Variants in TRMT5 observed in about 807,000 individuals in gnomAD.
TRMT5 encodes tRNA (guanine(37)-N(1))-methyltransferase.
TRMT5 carries 31 observed loss-of-function variants against 42.2 expected under a neutral mutation model. That is an observed-to-expected ratio of 0.73 (90% CI 0.55 to 0.99). The LOEUF is 0.99. Ranked by LOEUF, TRMT5 falls within the 50% of genes least tolerant of loss-of-function variation. TRMT5 has a pLI of 0.00. For missense variants in TRMT5, 568 were observed against 595.0 expected (o/e 0.95, Z 0.47); for synonymous variants, 198 against 209.6 (o/e 0.94, Z 0.48).
At chr14:60,977,109 C>T (rs2036857932) in intron 3 of TRMT5, among the ~76,000 whole-genome samples, 1 of 152,018 alleles carries the variant, frequency 6.6e-6, no homozygotes, top group African/African-American at 2.4e-5. Context: ...GGAAATGTTT[C>T]TGCAAATTTC....
chr14:60,980,789 G>GA lies in TRMT5; in HGVS notation c.11+173dup, dbSNP rs1174050580. On this transcript the variant is annotated intron_variant, in intron 1 of 4. Transcript: ENST00000261249. ...GGTTTTCCCACCAGTAAAATGTGGC[G>GA]AAAGGCTTTTGAAACATTCCTTACT... The GA allele has an allele frequency of 3.2e-6, 3 of 945,984 alleles. No homozygotes were observed. In the Admixed American group the frequency reaches 7.7e-5, roughly 24 times the overall value. The allele number at this position is 945,984 out of a possible 1,614,324, so 58.6% of individuals were successfully genotyped here. A position where few individuals can be genotyped will look rare whatever the true frequency, so the allele number is the denominator to read the frequency against.
upstream of TRMT5, chr14:60,981,200 T>C: frequency 1.9e-6 from 3 of 1,542,488 alleles, no homozygotes; most frequent in Non-Finnish European, 1.8e-6. Flanking sequence ...AAGCTCCGCC[T>C]CTGGCGCGAC....
upstream of TRMT5, chr14:60,981,610 G>A (rs2037027088): frequency 1.3e-6 from 2 of 1,481,508 alleles, no homozygotes; most frequent in African/African-American, 1.4e-5. Context: ...GAAAAGCGTC[G>A]GGTGGAAGAG....
At chr14:60,980,370 G>T (rs2036934954) in intron 1 of TRMT5, among the ~76,000 whole-genome samples, 1 of 152,192 alleles carries the variant, frequency 6.6e-6, no homozygotes, top group Non-Finnish European at 1.5e-5. Flanking sequence ...CCCTCATTTT[G>T]TAAATAAGTA....
At position 60,973,256 on chromosome 14, in the gene TRMT5, A is replaced by G. The variant is rs1301161334; in HGVS notation, c.*1853T>C. Reference sequence around the variant, plus strand: ...AGAAATACTTGATACTGGGTAATTTATAAGAAAAGAGGTATAATTGGCTCA... The same window carrying G: ...AGAAATACTTGATACTGGGTAATTTGTAAGAAAAGAGGTATAATTGGCTCA... On this transcript the variant is annotated 3_prime_UTR_variant, in exon 5 of 5. Transcript: ENST00000261249. 6.6e-6 allele frequency: 1 copy of G among 152,220 alleles called. No homozygotes were observed. The allele number at this position is 152,220 out of a possible 1,614,324, so 9.4% of individuals were successfully genotyped here. A position where few individuals can be genotyped will look rare whatever the true frequency, so the allele number is the denominator to read the frequency against.
intron 2 of TRMT5, among the ~76,000 whole-genome samples, chr14:60,978,405 G>A (rs899907502): frequency 6.6e-6 from 1 of 152,030 alleles, no homozygotes; most frequent in Non-Finnish European, 1.5e-5. Context: ...TTTTAATATA[G>A]TATCAATAAA....
chr14:60,975,979 T>C lies in TRMT5; in HGVS notation c.940A>G (p.Ile314Val). ...GTGCAGTTTTTCTTTGCTACTGGAA[T>C]GGCAAAGGGCCCAACCCCAGCAAAA... is the stretch of plus-strand genomic sequence containing the variant. ...DVFAGVGPFA[I>V]PVAKKNCTVF... The change falls in exon 4 of 5, where the codon ATT becomes GTT. Residue 314 changes from isoleucine (I) to valine (V), a missense_variant. By Grantham distance (29) the Ile-to-Val change is conservative. Coordinates refer to ENST00000261249, the MANE Select transcript of TRMT5 (RefSeq NM_020810.3). 6.2e-7 allele frequency: 1 copy of C among 1,614,200 alleles called. No homozygotes were observed. Among genetic ancestry groups the C allele is most frequent in the Non-Finnish European group, 8.5e-7 (1 of 1,180,044 alleles).
At chr14:60,981,153 C>G (rs749628790), upstream of TRMT5, 1 of 1,541,280 alleles carries the variant, frequency 6.5e-7, no homozygotes, top group South Asian at 1.2e-5. Flanking sequence ...CCTTCCAGGC[C>G]CTGGTGAAGT....
In TRMT5 at chr14:60,980,770, C is replaced by T. The variant is rs147049807; in HGVS notation, c.11+193G>A. ...ATAAATTACTATAAGTCTCGGTTTT[C>T]CCACCAGTAAAATGTGGCGAAAGGC... On this transcript the variant is annotated intron_variant, in intron 1 of 4. Transcript: ENST00000261249. 1,220 of 799,918 alleles carry T rather than the reference C, an allele frequency of 1.5e-3. 18 individuals carry two copies. The African/African-American group carries it at 0.017, about 11-fold the overall frequency. The allele number at this position is 799,918 out of a possible 1,614,324, so 49.6% of individuals were successfully genotyped here. A position where few individuals can be genotyped will look rare whatever the true frequency, so the allele number is the denominator to read the frequency against.
chr14:60,971,528 A>G lies in TRMT5; in HGVS notation c.*3581T>C, dbSNP rs547355013. On this transcript the variant is annotated 3_prime_UTR_variant, in exon 5 of 5. Coordinates refer to ENST00000261249, the MANE Select transcript of TRMT5 (RefSeq NM_020810.3). ...TATTTCAGGCAGGACATGGGCAGAC[A>G]GTCATTAACAGTATACAACTTTCAA... 1.1e-4 allele frequency: 17 copies of G among 154,060 alleles called. No homozygotes were observed. The South Asian group carries it at 3.2e-3, about 29-fold the overall frequency. The allele number at this position is 154,060 out of a possible 1,614,324, so 9.5% of individuals were successfully genotyped here. A position where few individuals can be genotyped will look rare whatever the true frequency, so the allele number is the denominator to read the frequency against.
rs76464913 is a variant in TRMT5, at chr14:60,980,755, A to G, written c.11+208T>C. ...GCTGGGTGACCCTGGATAAATTACTATAAGTCTCGGTTTTCCCACCAGTAA... is the reference window on the plus strand; with the variant it reads ...GCTGGGTGACCCTGGATAAATTACTGTAAGTCTCGGTTTTCCCACCAGTAA... On this transcript the variant is annotated intron_variant, in intron 1 of 4. Transcript: ENST00000261249. The G allele has an allele frequency of 6.6e-3, 4,663 of 706,672 alleles. 180 individuals carry two copies. The African/African-American group carries it at 0.073, about 11-fold the overall frequency. The allele number at this position is 706,672 out of a possible 1,614,324, so 43.8% of individuals were successfully genotyped here.
rs200753945 is a variant in TRMT5, at chr14:60,976,115, G to C, written c.804C>G (p.Asn268Lys). 4 of 1,602,950 alleles carry C rather than the reference G, an allele frequency of 2.5e-6. No individual in the cohort carries two copies. The East Asian group carries it at 8.9e-5, about 36-fold the overall frequency. Residue 268 changes from asparagine to lysine, a missense_variant, in exon 4 of 5, where the codon AAC becomes AAG. Asn to Lys is a moderately conservative substitution (Grantham distance 94). Transcript: ENST00000261249. ...EQNMMTKVRE[N>K]NYTYEFDFSK... ...AAAAATCAAATTCATAGGTGTAGTT[G>C]TTTTCTCGAACCTGAAAAAAGGTGT...
Position 60,972,585 on chromosome 14 carries a change from T to C in TRMT5, c.*2524A>G, listed in dbSNP as rs2036791944. 3.0e-6 allele frequency: 1 copy of C among 336,066 alleles called. No individual in the cohort carries two copies. Among genetic ancestry groups the C allele is most frequent in the Non-Finnish European group, 5.7e-6 (1 of 174,154 alleles). 20.8% of individuals were successfully genotyped at this position (336,066 alleles called of 1,614,324 possible). ...CCTTCACACTGCTCCCACGCTTTTT[T>C]AATTGACAAAATTCAAAATATAGCC... On this transcript the variant is annotated 3_prime_UTR_variant, in exon 5 of 5. Transcript: ENST00000261249.
intron 3 of TRMT5, among the ~76,000 whole-genome samples, chr14:60,976,516 A>G (rs2036850141): frequency 6.6e-6 from 1 of 152,210 alleles, no homozygotes. Context: ...ATTTTGAAAC[A>G]ACACACCACC....
Position 60,977,558 on chromosome 14 carries a change from A to C in TRMT5, c.748T>G (p.Phe250Val). 1 of 1,611,292 alleles carries C rather than the reference A, an allele frequency of 6.2e-7. No individual in the cohort carries two copies. The highest frequency in any genetic ancestry group is 8.5e-7 in the Non-Finnish European group (1 of 1,178,578). The change falls in exon 3 of 5, where the codon TTC becomes GTC. Residue 250 changes from phenylalanine to valine, a missense_variant. Coordinates refer to ENST00000261249, the MANE Select transcript of TRMT5 (RefSeq NM_020810.3). ...INNIDNMYRN[F>V]QMEVLSGEQN... is the part of the protein sequence containing the mutation. ...TCTCCAGATAGCACTTCCATTTGGAAATTTCGGTACATATTGTCAATATTA... is the reference window on the plus strand; with the variant it reads ...TCTCCAGATAGCACTTCCATTTGGACATTTCGGTACATATTGTCAATATTA...
chr14:60,980,196 C>A (rs2036927805), intron 1 of TRMT5, among the ~76,000 whole-genome samples: 1 of 152,116 alleles, frequency 6.6e-6, no homozygotes, highest in African/African-American at 2.4e-5. Context: ...GATTGGAAGA[C>A]TGAAGTATGA....
In TRMT5 at chr14:60,976,103, A is replaced by T; in HGVS notation, c.816T>A (p.Tyr272Ter). The T allele has an allele frequency of 5.6e-6, 9 of 1,610,778 alleles. No individual in the cohort carries two copies. The highest frequency in any genetic ancestry group is 7.6e-6 in the Non-Finnish European group (9 of 1,178,378). The stretch of plus-strand genomic sequence containing the variant: ...AATAGACTTTTGAAAAATCAAATTC[A>T]TAGGTGTAGTTGTTTTCTCGAACCT... The part of the protein sequence containing the change: ...MTKVRENNYT[Y>*]EFDFSKVYWN... Residue 272 changes from tyrosine to a stop codon, truncating the protein, a stop_gained, in exon 4 of 5, where the codon TAT becomes TAA. Transcript: ENST00000261249. LOFTEE classifies it high-confidence loss of function.
intron 3 of TRMT5, among the ~76,000 whole-genome samples, chr14:60,976,591 C>A (rs2036851471): frequency 6.6e-6 from 1 of 152,158 alleles, no homozygotes; most frequent in Non-Finnish European, 1.5e-5. Flanking sequence ...AGCTTCCCTC[C>A]TTATTTAGTT....
Position 60,976,061 on chromosome 14 carries a change from A to G in TRMT5, c.858T>C (p.Ser286=). Residue 286 remains serine (S), a synonymous_variant, in exon 4 of 5, where the codon TCT becomes TCC. Coordinates refer to ENST00000261249, the MANE Select transcript of TRMT5 (RefSeq NM_020810.3). ...GTTCTGTGATACGGCTGTGTTCTGT[A>G]GACAGACGAGGATTCCAATAGACTT... ...FSKVYWNPRL[S]TEHSRITELL... 6.2e-7 allele frequency: 1 copy of G among 1,614,132 alleles called. No homozygotes were observed. Among genetic ancestry groups the G allele is most frequent in the Non-Finnish European group, 8.5e-7 (1 of 1,180,006 alleles).
Sources: gnomAD v4.1 joint callset for allele counts (sites outside exome capture counted in the v4.1 genomes callset) on GRCh38, gnomAD v4.1.1 for gene constraint, MANE v1.5 for transcripts, NCBI Gene and HGNC (gene_info 2026-07-23, HGNC 2026-07-21) for gene names.